SAMD4A: variants seen among roughly 807,000 people sequenced by gnomAD.
SAMD4A encodes protein Smaug homolog 1.
A neutral mutation model predicts 81.3 loss-of-function variants in SAMD4A; 33 were observed. The ratio of observed to expected loss-of-function variants is 0.41; its 90% CI spans 0.31 to 0.54. The LOEUF is 0.54. Ranked by LOEUF, SAMD4A falls within the 20% of genes least tolerant of loss-of-function variation. The pLI is 0.37. For missense variants in SAMD4A, 854 were observed against 951.1 expected, an observed-to-expected ratio of 0.90 and a Z score of 1.34; for synonymous variants, 389 against 382.1, an observed-to-expected ratio of 1.02 and a Z score of -0.21.
At chr14:54,723,517 T>A (rs772078942) in intron 3 of SAMD4A, among the ~76,000 whole-genome samples, 7 of 152,188 alleles carry the variant, frequency 4.6e-5, no homozygotes, top group African/African-American at 7.2e-5. Flanking sequence ...CCTGGTGCAT[T>A]ACCACCTCCT....
At chr14:54,672,900 C>T (rs2035915184) in intron 2 of SAMD4A, among the ~76,000 whole-genome samples, 1 of 152,156 alleles carries the variant, frequency 6.6e-6, no homozygotes, top group Admixed American at 6.5e-5. Flanking sequence ...AGTGAAATAT[C>T]ACCGTGTTAA....
At chr14:54,578,980 C>T (rs2140137946) in intron 2 of SAMD4A, among the ~76,000 whole-genome samples, 1 of 152,264 alleles carries the variant, frequency 6.6e-6, no homozygotes, top group Admixed American at 6.5e-5. Flanking sequence ...GTGTGTTAGG[C>T]ACTTATTAAC....
chr14:54,781,926 A>G (rs1370120172), intron 11 of SAMD4A, among the ~76,000 whole-genome samples: 4 of 152,238 alleles, frequency 2.6e-5, no homozygotes, highest in African/African-American at 9.6e-5. Context: ...TCACACTATT[A>G]GGAAACTCTG....
chr14:54,724,036 G>GGAAGGAAGGAAGGAAGGAAGGAAGGAA, intron 3 of SAMD4A, among the ~76,000 whole-genome samples: 1 of 151,318 alleles, frequency 6.6e-6, no homozygotes, highest in African/African-American at 2.4e-5. Flanking sequence ...AAGGAAGGAA[G>GGAAGGAAGGAAGGAAGGAAGGAAGGAA]GAAGGAAGGA....
intron 3 of SAMD4A, among the ~76,000 whole-genome samples, chr14:54,722,594 C>T (rs542574009): frequency 6.6e-6 from 1 of 152,170 alleles, no homozygotes; most frequent in Non-Finnish European, 1.5e-5. Context: ...TAAGTCTTAG[C>T]GTCAACATCA....
At chr14:54,575,581 A>G (rs1364511032) in intron 2 of SAMD4A, among the ~76,000 whole-genome samples, 1 of 152,180 alleles carries the variant, frequency 6.6e-6, no homozygotes, top group Non-Finnish European at 1.5e-5. Flanking sequence ...TTAAGTAGTA[A>G]TGTACAAAAG....
intron 2 of SAMD4A, among the ~76,000 whole-genome samples, chr14:54,660,061 C>A (rs2035605519): frequency 6.6e-6 from 1 of 151,230 alleles, no homozygotes; most frequent in African/African-American, 2.4e-5. Context: ...AGCTTGGCAA[C>A]AGAGCGAGAC....
At chr14:54,691,577 CT>C (rs1176459221) in intron 2 of SAMD4A, among the ~76,000 whole-genome samples, 1 of 127,224 alleles carries the variant, frequency 7.9e-6, no homozygotes, top group Non-Finnish European at 1.7e-5. Flanking sequence ...AAAAAAAAAT[CT>C]GAAAAATCTT....
rs187967835 is a variant in SAMD4A at position 54,687,821 on chromosome 14, G to C, written c.197-14241G>C. ...GAGATGTAAAATGTTAAATGTTTGA[G>C]ATGTGACATGTAAGATAAGTGGAGG... On this transcript the variant is annotated intron_variant, in intron 2 of 12. Coordinates refer to ENST00000554335, the MANE Select transcript of SAMD4A (RefSeq NM_015589.6). The C allele has an allele frequency of 1.3e-4, 32 of 245,496 alleles. No individual in the cohort carries two copies. In the Middle Eastern group the frequency reaches 8.9e-3, roughly 68 times the overall value. 15.2% of individuals were successfully genotyped at this position (245,496 alleles called of 1,614,324 possible). A position where few individuals can be genotyped will look rare whatever the true frequency, so the allele number is the denominator to read the frequency against.
intron 2 of SAMD4A, among the ~76,000 whole-genome samples, chr14:54,644,950 T>C (rs190621280): frequency 2.7e-4 from 41 of 152,314 alleles, no homozygotes; most frequent in African/African-American, 9.6e-4. Flanking sequence ...AATCTACTGG[T>C]ATCTGGTGAT....
chr14:54,667,155 C>G (rs762885195), intron 2 of SAMD4A, among the ~76,000 whole-genome samples: 6 of 152,082 alleles, frequency 3.9e-5, no homozygotes, highest in Non-Finnish European at 8.8e-5. Context: ...TTTAGGTCAG[C>G]TTGTGAGGGC....
chr14:54,650,458 G>A (rs1453533155), intron 2 of SAMD4A, among the ~76,000 whole-genome samples: 3 of 152,172 alleles, frequency 2.0e-5, no homozygotes, highest in African/African-American at 7.2e-5. Context: ...AATCAGTCTT[G>A]CCTCCTTGTC....
intron 2 of SAMD4A, among the ~76,000 whole-genome samples, chr14:54,588,832 G>A (rs2033697773): frequency 6.6e-6 from 1 of 151,966 alleles, no homozygotes; most frequent in Admixed American, 6.6e-5. Flanking sequence ...TATATTTGAT[G>A]TTTGGAAGTT....
At chr14:54,755,883 A>G (rs1594901173) in intron 6 of SAMD4A, among the ~76,000 whole-genome samples, 1 of 152,208 alleles carries the variant, frequency 6.6e-6, no homozygotes, top group East Asian at 1.9e-4. Context: ...CTGTGAAACT[A>G]AGCCATGTTC....
At position 54,688,782 on chromosome 14, in the gene SAMD4A, G is replaced by C. The variant is rs183561705; in HGVS notation, c.197-13280G>C. On this transcript the variant is annotated intron_variant, in intron 2 of 12. Coordinates refer to ENST00000554335, the MANE Select transcript of SAMD4A (RefSeq NM_015589.6). ...ATGGTTCCCACCTGGTTTCACATCA[G>C]CCTTACTCGATCCTCCAAATGCTAT... 1.1e-4 allele frequency among the ~76,000 whole-genome samples: 17 copies of C among 152,210 alleles called. 1 individual carries two copies. The highest frequency in any genetic ancestry group is 5.9e-4 in the Admixed American group (9 of 15,286).
At chr14:54,657,450 AT>A (rs370240698) in intron 2 of SAMD4A, among the ~76,000 whole-genome samples, 1 of 151,962 alleles carries the variant, frequency 6.6e-6, no homozygotes, top group Non-Finnish European at 1.5e-5. Context: ...CTGTTTACTT[AT>A]TTTTTTTGTT....
intron 2 of SAMD4A, among the ~76,000 whole-genome samples, chr14:54,598,558 A>G (rs1401614650): frequency 6.6e-6 from 1 of 152,204 alleles, no homozygotes; most frequent in Non-Finnish European, 1.5e-5. Flanking sequence ...TTTTGTACAC[A>G]TATTTTAAAA....
intron 9 of SAMD4A, among the ~76,000 whole-genome samples, chr14:54,771,647 C>T (rs936192624): frequency 3.9e-5 from 6 of 152,328 alleles, no homozygotes; most frequent in Non-Finnish European, 8.8e-5. Context: ...TGGGGCCTAC[C>T]CCCATCCCAA....
At chr14:54,644,406 C>A (rs2035240656) in intron 2 of SAMD4A, among the ~76,000 whole-genome samples, 1 of 152,184 alleles carries the variant, frequency 6.6e-6, no homozygotes, top group South Asian at 2.1e-4. Flanking sequence ...TTATTGGGCA[C>A]TTGTTACGTA....
Sources: allele counts gnomAD v4.1 joint callset (sites outside exome capture counted in the v4.1 genomes callset), GRCh38; gene constraint gnomAD v4.1.1; transcripts MANE v1.5; gene names NCBI Gene and HGNC (gene_info 2026-07-23, HGNC 2026-07-21).